Variants in COL25A1 observed in about 807,000 individuals in gnomAD.
The protein encoded by COL25A1 is collagen alpha-1(XXV) chain.
COL25A1 carries 103 observed loss-of-function variants against 128.4 expected under a neutral mutation model. The observed-to-expected ratio is 0.80, with a 90% CI of 0.68 to 0.94. COL25A1 has a LOEUF of 0.94. Among genes scored for constraint, COL25A1 ranks in the 40% least tolerant of loss-of-function variants. The pLI, the probability that COL25A1 is intolerant of heterozygous loss-of-function variation, is 0.00. For missense variants in COL25A1, 745 were observed against 840.0 expected, an observed-to-expected ratio of 0.89 and a Z score of 1.40; for synonymous variants, 279 against 277.2, an observed-to-expected ratio of 1.01 and a Z score of -0.06.
intron 3 of COL25A1, among the ~76,000 whole-genome samples, chr4:109,053,777 C>A (rs1761192268): frequency 1.3e-5 from 2 of 152,122 alleles, no homozygotes; most frequent in South Asian, 4.1e-4. Flanking sequence ...ACACAGGAAG[C>A]ATTTAGAGAA....
chr4:109,257,234 A>T (rs1781141763), intron 3 of COL25A1, among the ~76,000 whole-genome samples: 1 of 152,220 alleles, frequency 6.6e-6, no homozygotes, highest in Admixed American at 6.5e-5. Flanking sequence ...GCACTTAAGA[A>T]TCCAATGTGA....
chr4:108,994,551 G>C (rs1754557531), intron 6 of COL25A1, among the ~76,000 whole-genome samples: 1 of 152,190 alleles, frequency 6.6e-6, no homozygotes, highest in Non-Finnish European at 1.5e-5. Context: ...GAGAACAAAA[G>C]GCAGCAGACA....
intron 8 of COL25A1, among the ~76,000 whole-genome samples, chr4:108,943,174 T>C (rs1452941824): frequency 6.6e-6 from 1 of 152,168 alleles, no homozygotes; most frequent in East Asian, 1.9e-4. Context: ...ACACGAAGCA[T>C]TTCTGGAATC....
chr4:108,995,263 GA>G (rs1253985963), intron 6 of COL25A1, among the ~76,000 whole-genome samples: 2 of 152,186 alleles, frequency 1.3e-5, no homozygotes, highest in African/African-American at 4.8e-5. Flanking sequence ...CCAGTGTAGA[GA>G]AGAGCTTAAA....
chr4:109,182,324 AACTCCGT>A (rs374687520), intron 3 of COL25A1, among the ~76,000 whole-genome samples: 44 of 152,210 alleles, frequency 2.9e-4, no homozygotes, highest in African/African-American at 1.0e-3. Context: ...TATTGCCACC[AACTCCGT>A]ACCATTTTCA....
intron 6 of COL25A1, among the ~76,000 whole-genome samples, chr4:108,991,434 A>G (rs753418795): frequency 2.6e-5 from 4 of 152,244 alleles, no homozygotes; most frequent in Admixed American, 2.0e-4. Context: ...TATCTGGAGT[A>G]CAATGGAGTT....
chr4:109,073,133 G>A (rs914615005), intron 3 of COL25A1, among the ~76,000 whole-genome samples: 1 of 152,152 alleles, frequency 6.6e-6, no homozygotes, highest in African/African-American at 2.4e-5. Flanking sequence ...GTGTGTGCAT[G>A]TGTATGTGTG....
chr4:109,055,334 G>A (rs552839131), intron 3 of COL25A1, among the ~76,000 whole-genome samples: 1 of 152,108 alleles, frequency 6.6e-6, no homozygotes, highest in South Asian at 2.1e-4. Flanking sequence ...GCTCCAGATT[G>A]CCATACTGAA....
intron 3 of COL25A1, among the ~76,000 whole-genome samples, chr4:109,072,389 T>G (rs1171795043): frequency 2.6e-5 from 4 of 152,206 alleles, no homozygotes; most frequent in African/African-American, 7.2e-5. Context: ...AAGCTCAGTT[T>G]ATGTATTTTG....
At chr4:108,965,550 T>C (rs1751198691) in intron 8 of COL25A1, among the ~76,000 whole-genome samples, 1 of 152,230 alleles carries the variant, frequency 6.6e-6, no homozygotes, top group Non-Finnish European at 1.5e-5. Context: ...GCTTTGCTTA[T>C]TTTTAAGGCT....
chr4:109,205,284 T>C (rs1413260387), intron 3 of COL25A1, among the ~76,000 whole-genome samples: 1 of 152,114 alleles, frequency 6.6e-6, no homozygotes, highest in Non-Finnish European at 1.5e-5. Flanking sequence ...AATGCTGGTT[T>C]TTCAATATCC....
At chr4:109,233,597 C>G (rs1310336209) in intron 3 of COL25A1, among the ~76,000 whole-genome samples, 3 of 152,054 alleles carry the variant, frequency 2.0e-5, no homozygotes, top group Non-Finnish European at 4.4e-5. Flanking sequence ...ATATGTGCAA[C>G]CTTTAGTAAT....
intron 20 of COL25A1, among the ~76,000 whole-genome samples, chr4:108,868,286 G>A (rs1293090728): frequency 6.6e-6 from 1 of 152,078 alleles, no homozygotes; most frequent in Non-Finnish European, 1.5e-5. Flanking sequence ...CTTGCCTAAG[G>A]CTTTCTAGAT....
At position 109,103,634 on chromosome 4, in the gene COL25A1, T is replaced by C. The variant is rs529753711; in HGVS notation, c.368-53455A>G. Among the ~76,000 whole-genome samples the C allele has an allele frequency of 3.9e-5, 6 of 152,296 alleles. No individual in the cohort carries two copies. The East Asian group carries it at 1.2e-3, about 29-fold the overall frequency. On this transcript the variant is annotated intron_variant, in intron 3 of 37. Coordinates refer to ENST00000399132, the MANE Select transcript of COL25A1 (RefSeq NM_198721.4). ...CAGAATTGTGGTATTGAAATGCCATTTCTCACTGAAAGGAATGAAGTCTTT... is the reference window on the plus strand; with the variant it reads ...CAGAATTGTGGTATTGAAATGCCATCTCTCACTGAAAGGAATGAAGTCTTT...
At chr4:109,065,439 T>C (rs1762336005) in intron 3 of COL25A1, among the ~76,000 whole-genome samples, 1 of 152,078 alleles carries the variant, frequency 6.6e-6, no homozygotes, top group Non-Finnish European at 1.5e-5. Context: ...TATAGTTACC[T>C]GACAGAAACA....
chr4:108,870,591 T>C (rs2125812022), intron 19 of COL25A1, among the ~76,000 whole-genome samples: 1 of 152,276 alleles, frequency 6.6e-6, no homozygotes, highest in East Asian at 1.9e-4. Context: ...GGTGGATCTC[T>C]TAATGGCCTA....
intron 3 of COL25A1, among the ~76,000 whole-genome samples, chr4:109,138,436 G>T (rs571100428): frequency 5.9e-5 from 9 of 152,096 alleles, no homozygotes; most frequent in Non-Finnish European, 1.3e-4. Flanking sequence ...GAATAGTGCC[G>T]CAATAAACAT....
At chr4:109,261,960 G>A (rs1012030661) in intron 3 of COL25A1, among the ~76,000 whole-genome samples, 4 of 151,782 alleles carry the variant, frequency 2.6e-5, no homozygotes, top group Non-Finnish European at 4.4e-5. Flanking sequence ...GCCTCCCAAA[G>A]TGCTGGGATT....
intron 3 of COL25A1, among the ~76,000 whole-genome samples, chr4:109,293,291 G>A (rs1724647199): frequency 6.6e-6 from 1 of 151,980 alleles, no homozygotes; most frequent in Non-Finnish European, 1.5e-5. Flanking sequence ...AAAATATCAA[G>A]CTTTCTAAGT....
Sources: gnomAD v4.1 joint callset for allele counts (sites outside exome capture counted in the v4.1 genomes callset) on GRCh38, gnomAD v4.1.1 for gene constraint, MANE v1.5 for transcripts, NCBI Gene and HGNC (gene_info 2026-07-23, HGNC 2026-07-21) for gene names.